Variants in FBXO34 observed in about 807,000 individuals in gnomAD.
The protein encoded by FBXO34 is F-box only protein 34.
In FBXO34, 12 loss-of-function variants were observed where a neutral mutation model predicts 24.5. That is an observed-to-expected ratio of 0.49 (90% CI 0.31 to 0.79). FBXO34 has a LOEUF of 0.79. Ranked by LOEUF, FBXO34 falls within the 30% of genes least tolerant of loss-of-function variation. The pLI, the probability that FBXO34 is intolerant of heterozygous loss-of-function variation, is 0.04. For missense variants in FBXO34, 823 were observed against 857.7 expected, an observed-to-expected ratio of 0.96 and a Z score of 0.51; for synonymous variants, 320 against 311.9, an observed-to-expected ratio of 1.03 and a Z score of -0.27.
intron 1 of FBXO34, chr14:55,298,714 G>A (rs947325790): frequency 1.4e-5 from 22 of 1,564,184 alleles, no homozygotes; most frequent in South Asian, 9.1e-5. Context: ...CAGCGGCTGC[G>A]GGACACGGAG....
the FBXO34 span, among the ~76,000 whole-genome samples, chr14:55,408,265 C>T: frequency 6.6e-6 from 1 of 151,852 alleles, no homozygotes; most frequent in Non-Finnish European, 1.5e-5. Context: ...CCAGCCTGGG[C>T]AACATGGCAA....
At chr14:55,289,545 A>G (rs766358277) in intron 1 of FBXO34, among the ~76,000 whole-genome samples, 3 of 151,990 alleles carry the variant, frequency 2.0e-5, no homozygotes, top group Non-Finnish European at 4.4e-5. Flanking sequence ...GTGTGTATAT[A>G]TGACAGAAAG....
At chr14:55,341,405 A>G (rs1284690323) in intron 1 of FBXO34, among the ~76,000 whole-genome samples, 1 of 152,226 alleles carries the variant, frequency 6.6e-6, no homozygotes, top group Non-Finnish European at 1.5e-5. Flanking sequence ...AAGTTTGGCC[A>G]AGCAAAGGAT....
At chr14:55,314,601 T>TA (rs1882864393) in intron 1 of FBXO34, among the ~76,000 whole-genome samples, 1 of 152,196 alleles carries the variant, frequency 6.6e-6, no homozygotes, top group African/African-American at 2.4e-5. Context: ...CAGACAGTAG[T>TA]AACAGGTATG....
At chr14:55,369,669 C>A, downstream of FBXO34, 2 of 1,575,016 alleles carry the variant, frequency 1.3e-6, no homozygotes, top group South Asian at 1.2e-5. Flanking sequence ...GAGGCTGCTG[C>A]AGAGGAGATC....
At chr14:55,397,341 C>A in the FBXO34 span, 1 of 1,592,744 alleles carries the variant, frequency 6.3e-7, no homozygotes, top group Non-Finnish European at 8.6e-7. Flanking sequence ...AGATCACCTC[C>A]ACAAATTAAA....
chr14:55,281,991 CTTTTTT>C (rs372305828), intron 1 of FBXO34, among the ~76,000 whole-genome samples: 49 of 65,138 alleles, frequency 7.5e-4, no homozygotes, highest in African/African-American at 1.1e-3. Flanking sequence ...TTAAATTTAG[CTTTTTT>C]TTTTTTTTTT....
chr14:55,321,451 G>C (rs551346817), intron 1 of FBXO34, among the ~76,000 whole-genome samples: 2 of 151,278 alleles, frequency 1.3e-5, no homozygotes, highest in African/African-American at 4.9e-5. Flanking sequence ...CTGTTGCTCA[G>C]GCTGGAGGGA....
At chr14:55,404,596 A>C in the FBXO34 span, among the ~76,000 whole-genome samples, 18 of 152,180 alleles carry the variant, frequency 1.2e-4, no homozygotes, top group Non-Finnish European at 2.5e-4. Flanking sequence ...ACAGGCCTTG[A>C]AAATATCTAG....
intron 1 of FBXO34, among the ~76,000 whole-genome samples, chr14:55,300,043 A>G (rs969253889): frequency 1.3e-5 from 2 of 152,164 alleles, no homozygotes; most frequent in Admixed American, 1.3e-4. Context: ...GATACAGACT[A>G]TATCTGCATA....
chr14:55,369,831 G>A (rs757202437), downstream of FBXO34: 39 of 1,614,026 alleles, frequency 2.4e-5, no homozygotes, highest in Middle Eastern at 1.6e-4. Flanking sequence ...TCGCTGACGC[G>A]CTCATCTCCG....
At chr14:55,282,146 G>GCCA (rs1881572011) in intron 1 of FBXO34, 1 of 193,034 alleles carries the variant, frequency 5.2e-6, no homozygotes. Context: ...ACAGGCGCAT[G>GCCA]CCACCATGCC....
chr14:55,390,346 C>T, the FBXO34 span, among the ~76,000 whole-genome samples: 1 of 152,100 alleles, frequency 6.6e-6, no homozygotes, highest in African/African-American at 2.4e-5. Context: ...GCTGGGATTA[C>T]AGGCATAAGC....
chr14:55,308,846 C>A (rs1036297448), intron 1 of FBXO34, among the ~76,000 whole-genome samples: 1 of 152,172 alleles, frequency 6.6e-6, no homozygotes, highest in East Asian at 1.9e-4. Context: ...AAAAAAGTTA[C>A]TTATTTTTGC....
At chr14:55,409,902 G>A in the FBXO34 span, among the ~76,000 whole-genome samples, 2 of 152,330 alleles carry the variant, frequency 1.3e-5, no homozygotes, top group Admixed American at 1.3e-4. Flanking sequence ...AGAGACATAA[G>A]AGGAAATAAG....
chr14:55,371,653 A>G (rs1209687575), downstream of FBXO34, among the ~76,000 whole-genome samples: 1 of 152,002 alleles, frequency 6.6e-6, no homozygotes, highest in African/African-American at 2.4e-5. Flanking sequence ...AAATACAAAA[A>G]ATTAGCTGGG....
the FBXO34 span, chr14:55,414,584 G>T: frequency 1.6e-6 from 1 of 633,008 alleles, no homozygotes; most frequent in South Asian, 2.7e-5. Context: ...CCTGAGAAAT[G>T]GCATTTATTC....
chr14:55,282,136 A>G (rs559862979), intron 1 of FBXO34, among the ~76,000 whole-genome samples: 16 of 151,730 alleles, frequency 1.1e-4, no homozygotes, highest in African/African-American at 3.6e-4. Flanking sequence ...AGCTGGGACT[A>G]CAGGCGCATG....
the FBXO34 span, among the ~76,000 whole-genome samples, chr14:55,384,987 T>C: frequency 0.084 from 12,717 of 152,272 alleles, 577 homozygotes; most frequent in South Asian, 0.11. Context: ...CTGTCCTGTC[T>C]GTCCCACCAG....
Sources: allele counts gnomAD v4.1 joint callset (sites outside exome capture counted in the v4.1 genomes callset), GRCh38; gene constraint gnomAD v4.1.1; transcripts MANE v1.5; gene names NCBI Gene and HGNC (gene_info 2026-07-23, HGNC 2026-07-21).